The following PTPRD variants were observed in gnomAD, a reference collection of about 807,000 sequenced individuals.
PTPRD encodes the protein protein tyrosine phosphatase receptor type D.
Under a neutral mutation model 214.5 loss-of-function variants are expected in PTPRD, and 34 were observed. The ratio of observed to expected loss-of-function variants is 0.16; its 90% confidence interval spans 0.12 to 0.21. The LOEUF (loss-of-function observed/expected upper bound fraction) is 0.21, where lower values mean the gene tolerates loss of function less well. PTPRD is among the 10% of genes least tolerant of loss of function. The pLI is 1.00. For missense variants in PTPRD, 2,545 were observed against 2,398.7 expected, an observed-to-expected ratio of 1.06 and a Z score of -1.27; for synonymous variants, 1,128 against 845.7, an observed-to-expected ratio of 1.33 and a Z score of -5.79.
intron 7 of PTPRD, among the ~76,000 whole-genome samples, chr9:9,675,810 C>A (rs959084546): frequency 1.3e-5 from 2 of 151,920 alleles, no homozygotes; most frequent in African/African-American, 4.8e-5. Flanking sequence ...ATCAATCTAA[C>A]TTTAATATAA....
chr9:9,909,732 A>C (rs1002463345), intron 5 of PTPRD, among the ~76,000 whole-genome samples: 3 of 151,858 alleles, frequency 2.0e-5, no homozygotes, highest in African/African-American at 7.2e-5. Context: ...AGTTGACTTC[A>C]ACATACAGAC....
intron 4 of PTPRD, among the ~76,000 whole-genome samples, chr9:10,028,111 T>C (rs918901734): frequency 1.3e-5 from 2 of 152,154 alleles, no homozygotes; most frequent in African/African-American, 4.8e-5. Context: ...TGTGCTGTTC[T>C]TATGATTGTG....
At chr9:9,738,181 A>G (rs565557593) in intron 6 of PTPRD, among the ~76,000 whole-genome samples, 3 of 152,258 alleles carry the variant, frequency 2.0e-5, no homozygotes, top group African/African-American at 7.2e-5. Context: ...GAGGCACACC[A>G]ACGTGGCACA....
intron 8 of PTPRD, among the ~76,000 whole-genome samples, chr9:9,463,923 G>C (rs2093904588): frequency 6.6e-6 from 1 of 152,038 alleles, no homozygotes; most frequent in Non-Finnish European, 1.5e-5. Context: ...CACCACATTT[G>C]GACAGTGAGA....
chr9:9,275,085 ATATATGTTATAT>A lies in PTPRD; in HGVS notation c.-202-91734_-202-91723del, dbSNP rs1477260165. 4.3e-5 allele frequency among the ~76,000 whole-genome samples: 3 copies of A among 69,172 alleles called. No individual in the cohort carries two copies. The East Asian group carries it at 1.1e-3, about 25-fold the overall frequency. The allele number at this position is 69,172 out of a possible 152,430, so 45.4% of individuals were successfully genotyped here. A position where few individuals can be genotyped will look rare whatever the true frequency, so the allele number is the denominator to read the frequency against. On this transcript the variant is annotated intron_variant, in intron 9 of 45. Transcript: ENST00000381196. ...TATATATTATATATATATATATAAT[ATATATGTTATAT>A]ATATAATATATTATATATATATTAT... is the stretch of plus-strand genomic sequence containing the variant.
At chr9:10,235,901 G>A (rs2099627340) in intron 3 of PTPRD, among the ~76,000 whole-genome samples, 2 of 151,808 alleles carry the variant, frequency 1.3e-5, no homozygotes, top group Admixed American at 1.3e-4. Flanking sequence ...ATAACCTTTG[G>A]GGTGTGAATT....
chr9:9,877,421 T>G (rs1021596195), intron 5 of PTPRD, among the ~76,000 whole-genome samples: 2 of 136,092 alleles, frequency 1.5e-5, no homozygotes, highest in Non-Finnish European at 2.9e-5. Flanking sequence ...AGGAGAAACT[T>G]TAATTTGTGA....
chr9:8,449,951 T>A (rs959096148), intron 33 of PTPRD, 114 bp from the exon 34 acceptor site: 24 of 1,008,212 alleles, frequency 2.4e-5, no homozygotes, highest in Admixed American at 7.0e-5. Context: ...GTTTTACAAC[T>A]TTTCAACCCA....
chr9:9,760,723 A>T (rs1472554412), intron 6 of PTPRD, among the ~76,000 whole-genome samples: 1 of 152,032 alleles, frequency 6.6e-6, no homozygotes, highest in Non-Finnish European at 1.5e-5. Context: ...TAATCTGATG[A>T]GGAAATAGGC....
At chr9:8,639,137 G>C (rs575357664) in intron 12 of PTPRD, among the ~76,000 whole-genome samples, 2 of 152,056 alleles carry the variant, frequency 1.3e-5, no homozygotes, top group Non-Finnish European at 2.9e-5. Context: ...CACCACGCCC[G>C]GCCTCAAAAT....
chr9:9,702,171 G>C (rs1254898267), intron 7 of PTPRD, among the ~76,000 whole-genome samples: 1 of 152,076 alleles, frequency 6.6e-6, no homozygotes, highest in Non-Finnish European at 1.5e-5. Context: ...AAAGTATCAT[G>C]ATGACGAGAA....
chr9:9,871,946 A>G (rs2065576301), intron 5 of PTPRD, among the ~76,000 whole-genome samples: 1 of 147,852 alleles, frequency 6.8e-6, no homozygotes, highest in Non-Finnish European at 1.5e-5. Flanking sequence ...CAATTGCCAG[A>G]CAAACAACTA....
At chr9:8,333,886 C>G (rs187212304) in intron 43 of PTPRD, among the ~76,000 whole-genome samples, 14 of 152,086 alleles carry the variant, frequency 9.2e-5, no homozygotes, top group Admixed American at 8.5e-4. Flanking sequence ...CAATCCTAGT[C>G]TCTGATAAAA....
intron 11 of PTPRD, among the ~76,000 whole-genome samples, chr9:8,773,348 C>G (rs777248153): frequency 1.3e-5 from 2 of 152,160 alleles, no homozygotes; most frequent in South Asian, 4.1e-4. Flanking sequence ...ATCTTCCCAA[C>G]TCAGGAGTTT....
At chr9:9,769,959 T>C (rs537999060) in intron 5 of PTPRD, among the ~76,000 whole-genome samples, 1 of 152,312 alleles carries the variant, frequency 6.6e-6, no homozygotes, top group Non-Finnish European at 1.5e-5. Context: ...TATGGCTGCA[T>C]AGTATTCCAT....
intron 7 of PTPRD, among the ~76,000 whole-genome samples, chr9:9,615,765 C>CA (rs1006311975): frequency 6.6e-6 from 1 of 152,024 alleles, no homozygotes; most frequent in Non-Finnish European, 1.5e-5. Context: ...TTAATCCTGA[C>CA]AAAAAATCTT....
At chr9:8,571,607 A>T (rs118087515) in intron 14 of PTPRD, among the ~76,000 whole-genome samples, 2,127 of 152,294 alleles carry the variant, frequency 0.014, 25 homozygotes, top group Middle Eastern at 0.051. Context: ...GTTGAATATA[A>T]AACAACTGAG....
At chr9:10,481,854 G>A (rs1246744383) in intron 2 of PTPRD, among the ~76,000 whole-genome samples, 1 of 152,138 alleles carries the variant, frequency 6.6e-6, no homozygotes, top group Admixed American at 6.5e-5. Context: ...AAGAGAGGTA[G>A]AGGACAACCA....
chr9:8,451,347 C>G (rs1308196074), intron 33 of PTPRD, among the ~76,000 whole-genome samples: 1 of 152,096 alleles, frequency 6.6e-6, no homozygotes, highest in African/African-American at 2.4e-5. Context: ...TGCTGCCAAC[C>G]CATTCCACCA....
Sources: allele counts gnomAD v4.1 joint callset (sites outside exome capture counted in the v4.1 genomes callset), GRCh38; gene constraint gnomAD v4.1.1; transcripts MANE v1.5; gene names NCBI Gene and HGNC (gene_info 2026-07-23, HGNC 2026-07-21).